PARP8: variants seen among roughly 807,000 people sequenced by gnomAD.
PARP8 encodes poly(ADP-ribose) polymerase family member 8, also known as protein mono-ADP-ribosyltransferase PARP8.
Under a neutral mutation model 124.1 loss-of-function variants are expected in PARP8, and 51 were observed. That is an observed-to-expected ratio of 0.41 (90% CI 0.33 to 0.52). The LOEUF (loss-of-function observed/expected upper bound fraction) is 0.52, where lower values mean the gene tolerates loss of function less well. PARP8 is among the 20% of genes least tolerant of loss of function. The pLI is 0.21. For synonymous variants in PARP8, 391 were observed against 361.5 expected (o/e 1.08, Z -0.93); for missense variants, 860 against 1,018.9 (o/e 0.84, Z 2.12).
At chr5:50,777,023 T>C (rs1740108043) in intron 7 of PARP8, among the ~76,000 whole-genome samples, 1 of 152,206 alleles carries the variant, frequency 6.6e-6, no homozygotes, top group Non-Finnish European at 1.5e-5. Context: ...CACAAGGCTG[T>C]GATGAGGACC....
rs1337880067 is a variant in PARP8, at chr5:50,671,394, G to C, written c.146+3269G>C. On this transcript the variant is annotated intron_variant, in intron 2 of 25. Coordinates refer to ENST00000281631, the MANE Select transcript of PARP8 (RefSeq NM_024615.4). ...GGAGAGAGCAAGTGGAGCCCAGTGG[G>C]CCTGGCCATGGACTGCTCTGGAATT... is the stretch of plus-strand genomic sequence containing the variant. Among the ~76,000 whole-genome samples the C allele has an allele frequency of 2.0e-5, 3 of 152,120 alleles. No individual in the cohort carries two copies. In the East Asian group the frequency reaches 5.8e-4, roughly 29 times the overall value.
At chr5:50,757,155 AG>A in intron 3 of PARP8, 2 of 455,968 alleles carry the variant, frequency 4.4e-6, no homozygotes, top group Non-Finnish European at 8.8e-6. Flanking sequence ...ATGGTGGTGG[AG>A]ATATTGCTTC....
intron 14 of PARP8, among the ~76,000 whole-genome samples, chr5:50,813,672 G>A (rs539953510): frequency 6.6e-6 from 1 of 152,238 alleles, no homozygotes; most frequent in East Asian, 1.9e-4. Context: ...TCTTGTGCCA[G>A]TTTTCAAAGG....
intron 2 of PARP8, among the ~76,000 whole-genome samples, chr5:50,703,704 A>G (rs1364698979): frequency 3.3e-5 from 5 of 152,188 alleles, no homozygotes; most frequent in African/African-American, 9.6e-5. Flanking sequence ...AACTCTATAC[A>G]TTCGTTTTCC....
chr5:50,779,416 G>T (rs764676405), intron 9 of PARP8, among the ~76,000 whole-genome samples: 1 of 152,184 alleles, frequency 6.6e-6, no homozygotes, highest in African/African-American at 2.4e-5. Context: ...GCCTCACTGG[G>T]TTGGATACAC....
chr5:50,713,818 T>C (rs1399649674), intron 2 of PARP8, among the ~76,000 whole-genome samples: 1 of 151,954 alleles, frequency 6.6e-6, no homozygotes, highest in Non-Finnish European at 1.5e-5. Flanking sequence ...AGCAGAGGGA[T>C]AGAGTCAGAG....
At chr5:50,681,899 TAATCAAGCTTGTTAG>T (rs1751334497) in intron 2 of PARP8, among the ~76,000 whole-genome samples, 1 of 152,236 alleles carries the variant, frequency 6.6e-6, no homozygotes, top group East Asian at 1.9e-4. Flanking sequence ...GGAAATAAAA[TAATCAAGCTTGTTAG>T]AATTGTGTTC....
rs114069693 is a variant in PARP8 at position 50,730,784 on chromosome 5, A to G, written c.147-19367A>G. On this transcript the variant is annotated intron_variant, in intron 2 of 25. Transcript: ENST00000281631. Reference sequence around the variant, plus strand: ...TGATTTCCTTTGAAAATAATTTTATACTTTTTGAATAAGATTAAGTTGTTT... The same window carrying G: ...TGATTTCCTTTGAAAATAATTTTATGCTTTTTGAATAAGATTAAGTTGTTT... Among the ~76,000 whole-genome samples the G allele has an allele frequency of 3.0e-3, 452 of 152,326 alleles. 2 individuals are homozygous for G. The highest frequency in any genetic ancestry group is 0.01 in the African/African-American group (434 of 41,580).
chr5:50,759,299 TAG>T (rs1234300228), intron 3 of PARP8, among the ~76,000 whole-genome samples: 1 of 152,130 alleles, frequency 6.6e-6, no homozygotes, highest in Admixed American at 6.5e-5. Flanking sequence ...CTTCCTATAG[TAG>T]ATGCTGATAT....
At chr5:50,834,086 C>T (rs1442764774) in intron 24 of PARP8, 38 bp downstream of exon 24, 3 of 1,440,442 alleles carry the variant, frequency 2.1e-6, no homozygotes, top group South Asian at 1.2e-5. Context: ...AGTGTTAGTT[C>T]CTAGCTCATC....
At chr5:50,711,737 G>A (rs901216972) in intron 2 of PARP8, among the ~76,000 whole-genome samples, 1 of 152,016 alleles carries the variant, frequency 6.6e-6, no homozygotes, top group African/African-American at 2.4e-5. Context: ...ACTTATATGA[G>A]AAAATCAAGG....
intron 2 of PARP8, 27 bp downstream of exon 2, chr5:50,668,152 T>TTTCCTGTTCAC (rs1749576731): frequency 6.4e-7 from 1 of 1,552,160 alleles, no homozygotes; most frequent in Non-Finnish European, 8.9e-7. Flanking sequence ...AGTTGCTTCA[T>TTTCCTGTTCAC]TTCCTGTTCA....
intron 3 of PARP8, chr5:50,757,075 A>T: frequency 2.3e-6 from 1 of 436,156 alleles, no homozygotes; most frequent in South Asian, 1.6e-5. Flanking sequence ...GCAACCATCC[A>T]TTGATGAACA....
At chr5:50,681,598 A>G (rs1751297966) in intron 2 of PARP8, among the ~76,000 whole-genome samples, 1 of 152,160 alleles carries the variant, frequency 6.6e-6, no homozygotes, top group Non-Finnish European at 1.5e-5. Flanking sequence ...TCCAGTTTCA[A>G]CTAGTTGTGG....
chr5:50,829,135 C>A (rs558075304), intron 21 of PARP8, among the ~76,000 whole-genome samples: 35 of 152,184 alleles, frequency 2.3e-4, no homozygotes, highest in Admixed American at 1.6e-3. Context: ...CCTGCTTTTC[C>A]GCCTCCAGGA....
At chr5:50,761,725 A>C in intron 5 of PARP8, 96 bp from the exon 6 acceptor site, 1 of 746,594 alleles carries the variant, frequency 1.3e-6, no homozygotes, top group Non-Finnish European at 2.2e-6. Flanking sequence ...AAAATCCATA[A>C]TATATGCTCA....
chr5:50,812,074 C>A (rs1422160067), intron 14 of PARP8, among the ~76,000 whole-genome samples: 2 of 152,142 alleles, frequency 1.3e-5, no homozygotes, highest in East Asian at 3.8e-4. Context: ...TTTAGAGTCG[C>A]ATGATTTATA....
At chr5:50,840,084 T>C (rs1200645737) in intron 25 of PARP8, among the ~76,000 whole-genome samples, 1 of 151,918 alleles carries the variant, frequency 6.6e-6, no homozygotes, top group Non-Finnish European at 1.5e-5. Flanking sequence ...TATAATGTTA[T>C]AACAACATTC....
At chr5:50,820,522 T>C (rs1328169745) in intron 15 of PARP8, among the ~76,000 whole-genome samples, 1 of 152,154 alleles carries the variant, frequency 6.6e-6, no homozygotes, top group African/African-American at 2.4e-5. Context: ...GATAACAGGA[T>C]AACACAGGAA....
Sources: gnomAD v4.1 joint callset for allele counts (sites outside exome capture counted in the v4.1 genomes callset) on GRCh38, gnomAD v4.1.1 for gene constraint, MANE v1.5 for transcripts, NCBI Gene and HGNC (gene_info 2026-07-23, HGNC 2026-07-21) for gene names.